Variants in DIPK1A observed in about 807,000 individuals in gnomAD.
DIPK1A encodes divergent protein kinase domain 1A.
In DIPK1A, 27 loss-of-function variants were observed where a neutral mutation model predicts 40.8. That is an observed-to-expected ratio of 0.66 (90% confidence interval 0.49 to 0.91). The LOEUF (loss-of-function observed/expected upper bound fraction) is 0.91, where lower values mean the gene tolerates loss of function less well. Among genes scored for constraint, DIPK1A ranks in the 40% least tolerant of loss-of-function variants. The probability of loss-of-function intolerance (pLI) is 0.00; values close to 1 mark genes in which losing one functional copy is unlikely to be tolerated. For missense variants in DIPK1A, 412 were observed against 505.7 expected, an observed-to-expected ratio of 0.81 and a Z score of 1.78; for synonymous variants, 166 against 171.3, an observed-to-expected ratio of 0.97 and a Z score of 0.24.
chr1:92,853,314 A>G (rs1687878897), intron 2 of DIPK1A, among the ~76,000 whole-genome samples: 1 of 152,234 alleles, frequency 6.6e-6, no homozygotes, highest in Non-Finnish European at 1.5e-5. Flanking sequence ...AAGGACATAC[A>G]ATGAATGTCC....
rs1461736140 is a variant in DIPK1A at position 92,846,855 on chromosome 1, ATATGTGTG to A, written c.474+320_474+327del. Reference sequence around the variant, plus strand: ...TATATATATATATGTGTGTATATATATATGTGTGTATATATATATATATATATACACAC... The same window carrying A: ...TATATATATATATGTGTGTATATATATATATATATATATATATATACACAC... On this transcript the variant is annotated intron_variant, in intron 4 of 4. Transcript: ENST00000370310. 5.1e-4 allele frequency among the ~76,000 whole-genome samples: 5 copies of A among 9,880 alleles called. 1 individual carries two copies. Among genetic ancestry groups the A allele is most frequent in the African/African-American group, 3.4e-3 (5 of 1,488 alleles). The allele number at this position is 9,880 out of a possible 152,430, so 6.5% of individuals were successfully genotyped here. A position where few individuals can be genotyped will look rare whatever the true frequency, so the allele number is the denominator to read the frequency against.
At chr1:92,835,008 T>G (rs1200424364) in intron 4 of DIPK1A, 28 of 1,559,108 alleles carry the variant, frequency 1.8e-5, no homozygotes, top group Non-Finnish European at 2.3e-5. Flanking sequence ...TAGCTTAAGT[T>G]GTGCTTCAGG....
downstream of DIPK1A, among the ~76,000 whole-genome samples, chr1:92,839,083 G>A (rs1687243639): frequency 6.6e-6 from 1 of 151,342 alleles, no homozygotes; most frequent in Non-Finnish European, 1.5e-5. Flanking sequence ...GCCCTGGCGG[G>A]GCATGGTGGC....
downstream of DIPK1A, among the ~76,000 whole-genome samples, chr1:92,839,558 A>G (rs1029870779): frequency 6.6e-6 from 1 of 152,160 alleles, no homozygotes; most frequent in Admixed American, 6.5e-5. Flanking sequence ...ATGGAAAACA[A>G]AAGTCTAGGG....
Position 92,843,366 on chromosome 1 carries a change from A to C in DIPK1A, c.*17T>G, listed in dbSNP as rs1279833869. 6.8e-7 allele frequency: 1 copy of C among 1,476,370 alleles called. No homozygotes were observed. Among genetic ancestry groups the C allele is most frequent in the East Asian group, 2.5e-5 (1 of 40,114 alleles). 91.5% of individuals were successfully genotyped at this position (1,476,370 alleles called of 1,614,324 possible). A position where few individuals can be genotyped will look rare whatever the true frequency, so the allele number is the denominator to read the frequency against. On this transcript the variant is annotated 3_prime_UTR_variant, in exon 5 of 5. Transcript: ENST00000370310. ...AAAGTGGCAGGTTTCTTAAAATGGT[A>C]ATTATGTCCAAATGAACTAAGAGTC...
intron 1 of DIPK1A, among the ~76,000 whole-genome samples, chr1:92,894,401 C>A (rs1268289608): frequency 2.0e-5 from 3 of 152,098 alleles, no homozygotes; most frequent in Non-Finnish European, 4.4e-5. Context: ...TCCTGAATGA[C>A]TACTGGGTAC....
chr1:92,911,303 T>C (rs1649815853), intron 1 of DIPK1A, among the ~76,000 whole-genome samples: 1 of 152,206 alleles, frequency 6.6e-6, no homozygotes, highest in Non-Finnish European at 1.5e-5. Context: ...TTCCACCCTG[T>C]GGGAACACAT....
chr1:92,860,730 G>T (rs1296815955), intron 2 of DIPK1A, among the ~76,000 whole-genome samples: 1 of 151,538 alleles, frequency 6.6e-6, no homozygotes, highest in African/African-American at 2.4e-5. Context: ...GTTGTAGTGG[G>T]CCAAGATTGT....
chr1:92,841,128 AAAAAC>A (rs1449099727), downstream of DIPK1A, among the ~76,000 whole-genome samples: 2 of 152,250 alleles, frequency 1.3e-5, no homozygotes, highest in Admixed American at 6.5e-5. Context: ...CAATAGAACT[AAAAAC>A]AAAATCATAC....
chr1:92,917,763 T>C lies in DIPK1A; in HGVS notation c.55-41333A>G, dbSNP rs187294486. On this transcript the variant is annotated intron_variant, in intron 1 of 4. Transcript: ENST00000370310. ...AGAGAGCTGTGGGAATGGGAGGAAC[T>C]AGTGGAGCAAGGAGAAGGTTTGGGT... Among the ~76,000 whole-genome samples, 130 of 152,264 alleles carry C rather than the reference T, an allele frequency of 8.5e-4. 1 individual carries two copies. The highest frequency in any genetic ancestry group is 1.9e-3 in the South Asian group (9 of 4,826).
intron 2 of DIPK1A, among the ~76,000 whole-genome samples, chr1:92,852,327 C>A (rs950898870): frequency 6.6e-6 from 1 of 152,030 alleles, no homozygotes; most frequent in African/African-American, 2.4e-5. Context: ...GGAGAAACCC[C>A]GCCTCTACTA....
chr1:92,887,785 T>C (rs1326661541), intron 1 of DIPK1A, among the ~76,000 whole-genome samples: 1 of 152,176 alleles, frequency 6.6e-6, no homozygotes, highest in East Asian at 1.9e-4. Context: ...ATTTTACAGA[T>C]GGGAAAACTG....
downstream of DIPK1A, among the ~76,000 whole-genome samples, chr1:92,837,937 A>G (rs1363620081): frequency 6.6e-6 from 1 of 152,216 alleles, no homozygotes; most frequent in East Asian, 1.9e-4. Context: ...TTTTGATACC[A>G]TCTGGGAGGA....
chr1:92,876,950 A>G, intron 1 of DIPK1A: 1 of 976,154 alleles, frequency 1.0e-6, no homozygotes, highest in Non-Finnish European at 1.2e-6. Context: ...CTATTTCCCT[A>G]TTGTATTCAC....
chr1:92,833,385 T>C lies in DIPK1A; in HGVS notation c.475-351A>G, dbSNP rs746944177. Reference sequence around the variant, plus strand: ...AGTTTTAATAACATTCTTTTTTCTTTAAGGGGTTTGTTAAAGTTGTTAAGA... The same window carrying C: ...AGTTTTAATAACATTCTTTTTTCTTCAAGGGGTTTGTTAAAGTTGTTAAGA... On this transcript the variant is annotated intron_variant, in intron 4 of 4. Coordinates refer to the DIPK1A transcript ENST00000615519. The C allele has an allele frequency of 3.1e-6, 5 of 1,607,590 alleles. No individual in the cohort carries two copies. Among genetic ancestry groups the C allele is most frequent in the Admixed American group, 1.7e-5 (1 of 60,012 alleles).
At chr1:92,872,910 A>G (rs1351066524) in intron 2 of DIPK1A, among the ~76,000 whole-genome samples, 1 of 152,216 alleles carries the variant, frequency 6.6e-6, no homozygotes, top group Non-Finnish European at 1.5e-5. Flanking sequence ...CTCATTCTGC[A>G]GAGCCCCGGG....
intron 2 of DIPK1A, among the ~76,000 whole-genome samples, chr1:92,870,071 TATATACACAC>T (rs1194144120): frequency 1.3e-4 from 4 of 30,310 alleles, no homozygotes; most frequent in African/African-American, 2.1e-4. Flanking sequence ...ACATGAATTA[TATATACACAC>T]ACACACACAC....
At chr1:92,845,622 ATG>A in intron 4 of DIPK1A, 5 of 248,920 alleles carry the variant, frequency 2.0e-5, no homozygotes, top group Non-Finnish European at 3.9e-5. Flanking sequence ...GTGGATCACC[ATG>A]AGGTCAGGAG....
intron 1 of DIPK1A, among the ~76,000 whole-genome samples, chr1:92,894,101 G>T (rs141300245): frequency 0.093 from 9,189 of 99,150 alleles, no homozygotes; most frequent in Non-Finnish European, 0.12. Context: ...CAATGAGACA[G>T]AAAGTCAACA....
Sources: allele counts gnomAD v4.1 joint callset (sites outside exome capture counted in the v4.1 genomes callset), GRCh38; gene constraint gnomAD v4.1.1; transcripts MANE v1.5; gene names NCBI Gene and HGNC (gene_info 2026-07-23, HGNC 2026-07-21).